Variants in ADAMTS14 observed in about 807,000 individuals in gnomAD.
ADAMTS14 encodes A disintegrin and metalloproteinase with thrombospondin motifs 14.
ADAMTS14 carries 100 observed loss-of-function variants against 128.6 expected under a neutral mutation model. The ratio of observed to expected loss-of-function variants is 0.78; its 90% CI spans 0.66 to 0.92. The LOEUF is 0.92. Ranked by LOEUF, ADAMTS14 falls within the 40% of genes least tolerant of loss-of-function variation. The pLI is 0.00. For synonymous variants in ADAMTS14, 665 were observed against 653.8 expected (o/e 1.02, Z -0.26); for missense variants, 1,562 against 1,658.6 (o/e 0.94, Z 1.01).
At chr10:70,747,765 A>T (rs1401942532) in intron 15 of ADAMTS14, among the ~76,000 whole-genome samples, 1 of 152,148 alleles carries the variant, frequency 6.6e-6, no homozygotes, top group Non-Finnish European at 1.5e-5. Context: ...GGGGAGAGCG[A>T]AGCAGTGGCG....
chr10:70,734,120 T>A (rs10740358), intron 8 of ADAMTS14, 92 bp downstream of exon 8: 1 of 1,518,180 alleles, frequency 6.6e-7, no homozygotes, highest in Non-Finnish European at 8.9e-7. Context: ...TTCCCCACGT[T>A]GCCCCTGGCT....
intron 11 of ADAMTS14, among the ~76,000 whole-genome samples, chr10:70,739,644 G>A (rs1202400316): frequency 6.6e-6 from 1 of 152,110 alleles, no homozygotes; most frequent in African/African-American, 2.4e-5. Context: ...TGGCTTGGTT[G>A]GCTCTAGGAA....
In ADAMTS14 at chr10:70,732,510, C is replaced by T. The variant is rs1841679261; in HGVS notation, c.1208+151C>T. 5.8e-6 allele frequency: 4 copies of T among 684,728 alleles called. No individual in the cohort carries two copies. In the Admixed American group the frequency reaches 8.2e-5, roughly 14 times the overall value. The allele number at this position is 684,728 out of a possible 1,614,324, so 42.4% of individuals were successfully genotyped here. Reference sequence around the variant, plus strand: ...TGGACTGCCACTGCGGCATGGCCTCCTGCAGTTACCAGTAGAGGGAGGCCC... The same window carrying T: ...TGGACTGCCACTGCGGCATGGCCTCTTGCAGTTACCAGTAGAGGGAGGCCC... On this transcript the variant is annotated intron_variant, in intron 7 of 21. Transcript: ENST00000373207.
At chr10:70,675,718 G>A (rs575062339) in intron 2 of ADAMTS14, among the ~76,000 whole-genome samples, 3 of 152,316 alleles carry the variant, frequency 2.0e-5, no homozygotes, top group Non-Finnish European at 4.4e-5. Flanking sequence ...AAAGCCATGG[G>A]GTGGGCTGTC....
At chr10:70,743,409 A>G in intron 12 of ADAMTS14, 139 bp from the exon 13 acceptor site, 1 of 983,860 alleles carries the variant, frequency 1.0e-6, no homozygotes, top group South Asian at 2.5e-5. Flanking sequence ...AGGGATTTTC[A>G]GCCCCCGTGC....
At chr10:70,673,676 A>T (rs57552343) in intron 1 of ADAMTS14, among the ~76,000 whole-genome samples, 9,898 of 152,256 alleles carry the variant, frequency 0.065, 1,039 homozygotes, top group African/African-American at 0.23. Flanking sequence ...TCTATGTTTC[A>T]TCAGTGACGT....
intron 1 of ADAMTS14, among the ~76,000 whole-genome samples, chr10:70,674,251 C>A (rs1839571702): frequency 6.6e-6 from 1 of 152,164 alleles, no homozygotes; most frequent in South Asian, 2.1e-4. Flanking sequence ...TGGGCAGAGC[C>A]CAAGGTCGGA....
intron 4 of ADAMTS14, among the ~76,000 whole-genome samples, chr10:70,712,491 G>C (rs1377927722): frequency 6.6e-6 from 1 of 152,224 alleles, no homozygotes; most frequent in Non-Finnish European, 1.5e-5. Flanking sequence ...AGGGAACCAG[G>C]CAGATGTTAT....
At chr10:70,737,984 A>G (rs1439083281) in intron 10 of ADAMTS14, among the ~76,000 whole-genome samples, 7 of 152,200 alleles carry the variant, frequency 4.6e-5, no homozygotes, top group Non-Finnish European at 2.9e-5. Flanking sequence ...AGTGAATTCT[A>G]TAGTACGTAA....
chr10:70,741,687 G>C (rs1842005774), intron 12 of ADAMTS14, among the ~76,000 whole-genome samples: 2 of 152,186 alleles, frequency 1.3e-5, no homozygotes, highest in African/African-American at 4.8e-5. Flanking sequence ...GATAGGATCT[G>C]GTGGGATCTT....
intron 12 of ADAMTS14, among the ~76,000 whole-genome samples, chr10:70,741,828 C>T (rs541419609): frequency 5.9e-5 from 9 of 152,266 alleles, no homozygotes; most frequent in South Asian, 4.1e-4. Context: ...GGCTCCATAG[C>T]GGCAGAGCAT....
Position 70,674,844 on chromosome 10 carries a change from A to T in ADAMTS14, c.371A>T (p.Asn124Ile). 2 of 1,613,926 alleles carry T rather than the reference A, an allele frequency of 1.2e-6. No individual in the cohort carries two copies. Among genetic ancestry groups the T allele is most frequent in the South Asian group, 1.1e-5 (1 of 91,090 alleles). Residue 124 changes from asparagine (N) to isoleucine (I), a missense_variant, in exon 2 of 22, where the codon AAT becomes ATT. Transcript: ENST00000373207. Reference sequence around the variant, plus strand: ...GAACTGCACTTGCGCCTGCGGCCCAATCGGAGGTTGGTAGTGCCAGGATCC... The same window carrying T: ...GAACTGCACTTGCGCCTGCGGCCCATTCGGAGGTTGGTAGTGCCAGGATCC... ...GKELHLRLRP[N>I]RRLVVPGSSV... is the part of the protein sequence containing the mutation.
chr10:70,753,693 C>G (rs1195893262), intron 18 of ADAMTS14, 107 bp from the exon 19 acceptor site: 1 of 1,263,004 alleles, frequency 7.9e-7, no homozygotes, highest in Admixed American at 2.8e-5. Context: ...TTCTGAAACC[C>G]AAACCCACTC....
chr10:70,702,497 G>T (rs776039115), intron 3 of ADAMTS14, 29 bp downstream of exon 3: 10 of 1,574,040 alleles, frequency 6.4e-6, no homozygotes, highest in Admixed American at 1.8e-5. Flanking sequence ...CCTGTGTGCT[G>T]CTTCTCTCCC....
chr10:70,704,245 G>T (rs905409002), intron 3 of ADAMTS14, among the ~76,000 whole-genome samples: 1 of 152,126 alleles, frequency 6.6e-6, no homozygotes, highest in Admixed American at 6.5e-5. Flanking sequence ...AGTCTGAGGT[G>T]CACCAGTGAA....
At chr10:70,755,541 A>C (rs1373451079) in intron 19 of ADAMTS14, among the ~76,000 whole-genome samples, 1 of 152,160 alleles carries the variant, frequency 6.6e-6, no homozygotes, top group Non-Finnish European at 1.5e-5. Context: ...ACTGAACCAT[A>C]GACTTAAAAA....
At chr10:70,750,728 A>T (rs930929447) in intron 16 of ADAMTS14, among the ~76,000 whole-genome samples, 2 of 152,234 alleles carry the variant, frequency 1.3e-5, no homozygotes, top group Admixed American at 1.3e-4. Context: ...CAACAAGTGT[A>T]CCAAGGCCAT....
In ADAMTS14 at chr10:70,691,011, G is replaced by A. The variant is rs189478592; in HGVS notation, c.523-11301G>A. Among the ~76,000 whole-genome samples, 94 of 144,974 alleles carry A rather than the reference G, an allele frequency of 6.5e-4. 2 individuals carry two copies. Among genetic ancestry groups the A allele is most frequent in the African/African-American group, 2.2e-3 (91 of 41,070 alleles). On this transcript the variant is annotated intron_variant, in intron 2 of 21. Coordinates refer to ENST00000373207, the MANE Select transcript of ADAMTS14 (RefSeq NM_080722.4). Reference sequence around the variant, plus strand: ...AGAGCCGCTTGGCTCCTGGGCACTCGGGAATGGAATCTGAGGGTGGCTGCT... The same window carrying A: ...AGAGCCGCTTGGCTCCTGGGCACTCAGGAATGGAATCTGAGGGTGGCTGCT...
chr10:70,704,919 C>T (rs1361340832), intron 3 of ADAMTS14, among the ~76,000 whole-genome samples: 1 of 152,094 alleles, frequency 6.6e-6, no homozygotes, highest in African/African-American at 2.4e-5. Context: ...CCCGCACTCA[C>T]ACACCTGCAT....
Sources: allele counts gnomAD v4.1 joint callset (sites outside exome capture counted in the v4.1 genomes callset), GRCh38; gene constraint gnomAD v4.1.1; transcripts MANE v1.5; gene names NCBI Gene and HGNC (gene_info 2026-07-23, HGNC 2026-07-21).